Variants in ZHX1 observed in about 807,000 individuals in gnomAD.
The protein encoded by ZHX1 is zinc fingers and homeoboxes protein 1.
In ZHX1, 20 loss-of-function variants were observed where a neutral mutation model predicts 61.8. That is an observed-to-expected ratio of 0.32 (90% CI 0.23 to 0.47). ZHX1 has a LOEUF of 0.47. ZHX1 is among the 20% of genes least tolerant of loss of function. ZHX1 has a pLI of 1.00. For missense variants in ZHX1, 800 were observed against 1,034.8 expected (o/e 0.77, Z 3.11); for synonymous variants, 318 against 352.6 (o/e 0.90, Z 1.10).
At chr8:123,272,545 T>C (rs1586836114) in intron 1 of ZHX1, among the ~76,000 whole-genome samples, 1 of 152,362 alleles carries the variant, frequency 6.6e-6, no homozygotes, top group East Asian at 1.9e-4. Context: ...ATGGGTATAC[T>C]AGGGCCAATT....
chr8:123,256,289 A>G (rs532343173), intron 2 of ZHX1, 118 bp from the exon 3 acceptor site: 23 of 173,982 alleles, frequency 1.3e-4, no homozygotes, highest in Non-Finnish European at 2.4e-4. Context: ...AAGATCTAGA[A>G]TAAGATAAGA....
intron 3 of ZHX1, chr8:123,252,730 A>G (rs1563807947): frequency 6.6e-6 from 1 of 152,132 alleles, no homozygotes; most frequent in Non-Finnish European, 1.5e-5. Context: ...TACTAAAAAG[A>G]TACTGAGTAA....
At chr8:123,264,509 C>T (rs1174362917) in intron 2 of ZHX1, among the ~76,000 whole-genome samples, 2 of 152,128 alleles carry the variant, frequency 1.3e-5, no homozygotes, top group African/African-American at 2.4e-5. Flanking sequence ...AATATGTTGG[C>T]CTGGTTAGCC....
intron 1 of ZHX1, 57 bp downstream of exon 1, chr8:123,274,160 C>G (rs1205374745): frequency 6.5e-6 from 1 of 152,688 alleles, no homozygotes; most frequent in African/African-American, 2.4e-5. Context: ...CTCCAGTTCC[C>G]ACCCGCAGCC....
At position 123,249,210 on chromosome 8, in the gene ZHX1, A is replaced by G. The variant is rs575513910; in HGVS notation, c.*1114T>C. On this transcript the variant is annotated 3_prime_UTR_variant, in exon 4 of 4. Coordinates refer to ENST00000395571, the MANE Select transcript of ZHX1 (RefSeq NM_007222.5). ...TTTGAAAAATGGTCCTATGGTCACA[A>G]AAGAAAGGGTTCTTCCCAATATGAA... 6.6e-6 allele frequency: 1 copy of G among 152,596 alleles called. No individual in the cohort carries two copies. Among genetic ancestry groups the G allele is most frequent in the South Asian group, 2.1e-4 (1 of 4,830 alleles). The allele number at this position is 152,596 out of a possible 1,614,324, so 9.5% of individuals were successfully genotyped here.
chr8:123,261,017 G>C (rs1022198966), intron 2 of ZHX1, among the ~76,000 whole-genome samples: 1 of 152,042 alleles, frequency 6.6e-6, no homozygotes, highest in Non-Finnish European at 1.5e-5. Flanking sequence ...GAGAGACTCT[G>C]TCTCAAAAAA....
At chr8:123,265,145 C>A (rs558318701) in intron 2 of ZHX1, among the ~76,000 whole-genome samples, 6 of 148,918 alleles carry the variant, frequency 4.0e-5, no homozygotes, top group African/African-American at 1.5e-4. Flanking sequence ...GCCGAGATTG[C>A]GCCATTGCAC....
In ZHX1 at chr8:123,248,978, A is replaced by C. The variant is rs538365487; in HGVS notation, c.*1346T>G. The C allele has an allele frequency of 1.3e-5, 2 of 152,614 alleles. No homozygotes were observed. The highest frequency in any genetic ancestry group is 2.9e-5 in the Non-Finnish European group (2 of 68,020). 9.5% of individuals were successfully genotyped at this position (152,614 alleles called of 1,614,324 possible). On this transcript the variant is annotated 3_prime_UTR_variant, in exon 4 of 4. Coordinates refer to ENST00000395571, the MANE Select transcript of ZHX1 (RefSeq NM_007222.5). ...ATAAAGCTATAGTTAAAAAATAAAA[A>C]GTTTATAAAAATGAAAGCAGCATGC...
chr8:123,267,840 A>G (rs972587400), intron 1 of ZHX1, among the ~76,000 whole-genome samples: 1 of 152,086 alleles, frequency 6.6e-6, no homozygotes. Flanking sequence ...CGTCTCTACT[A>G]AAAATACAAA....
chr8:123,257,662 G>A (rs1826112738), intron 2 of ZHX1, among the ~76,000 whole-genome samples: 1 of 152,174 alleles, frequency 6.6e-6, no homozygotes. Context: ...CACAGGGAGT[G>A]CGCAACCTAG....
chr8:123,248,478 A>G lies in ZHX1; in HGVS notation c.*1846T>C, dbSNP rs532315427. On this transcript the variant is annotated 3_prime_UTR_variant, in exon 4 of 4. Coordinates refer to ENST00000395571, the MANE Select transcript of ZHX1 (RefSeq NM_007222.5). Reference sequence around the variant, plus strand: ...CTGTAAACTACTAATCACTACTTTTATTTTGTATTCAAGGTCACAATCAAC... The same window carrying G: ...CTGTAAACTACTAATCACTACTTTTGTTTTGTATTCAAGGTCACAATCAAC... 7.9e-5 allele frequency: 12 copies of G among 152,238 alleles called. No individual in the cohort carries two copies. In the East Asian group the frequency reaches 2.1e-3, roughly 27 times the overall value. The allele number at this position is 152,238 out of a possible 1,614,324, so 9.4% of individuals were successfully genotyped here. A position where few individuals can be genotyped will look rare whatever the true frequency, so the allele number is the denominator to read the frequency against.
intron 1 of ZHX1, 142 bp from the exon 2 acceptor site, chr8:123,267,528 C>T (rs1461589044): frequency 5.3e-6 from 2 of 379,770 alleles, no homozygotes; most frequent in South Asian, 8.5e-5. Flanking sequence ...TTTAAAAGAA[C>T]CATTTAAATA....
At chr8:123,261,874 GT>G (rs1400916091) in intron 2 of ZHX1, among the ~76,000 whole-genome samples, 1 of 152,084 alleles carries the variant, frequency 6.6e-6, no homozygotes, top group African/African-American at 2.4e-5. Flanking sequence ...AAAAGTAAAA[GT>G]AAAAATACAG....
chr8:123,267,420 T>C (rs181694064), intron 1 of ZHX1, 34 bp from the exon 2 acceptor site: 358 of 610,000 alleles, frequency 5.9e-4, no homozygotes, highest in Non-Finnish European at 5.9e-4. Context: ...ATTCTAGATA[T>C]AATTTAGCCT....
At chr8:123,270,396 G>A (rs1234233408) in intron 1 of ZHX1, among the ~76,000 whole-genome samples, 1 of 152,078 alleles carries the variant, frequency 6.6e-6, no homozygotes, top group African/African-American at 2.4e-5. Context: ...ATATGGCTAT[G>A]ACTTCGATAT....
chr8:123,267,147 T>G (rs1651869937), intron 2 of ZHX1, 126 bp downstream of exon 2: 5 of 722,836 alleles, frequency 6.9e-6, no homozygotes, highest in Middle Eastern at 2.6e-4. Flanking sequence ...AAAAAAGTGT[T>G]AAGCATATGT....
intron 1 of ZHX1, among the ~76,000 whole-genome samples, chr8:123,269,516 A>C (rs1466784865): frequency 6.6e-6 from 1 of 152,226 alleles, no homozygotes; most frequent in Non-Finnish European, 1.5e-5. Flanking sequence ...TTATATAATA[A>C]AACAGAACAA....
At chr8:123,268,880 T>TTTG (rs1826551808) in intron 1 of ZHX1, among the ~76,000 whole-genome samples, 1 of 152,232 alleles carries the variant, frequency 6.6e-6, no homozygotes. Flanking sequence ...ATTTTTTTAT[T>TTTG]CCTGCTACTA....
intron 2 of ZHX1, among the ~76,000 whole-genome samples, chr8:123,266,058 A>G (rs1203894666): frequency 6.6e-6 from 1 of 152,208 alleles, no homozygotes; most frequent in Non-Finnish European, 1.5e-5. Flanking sequence ...TCCCTAGGAC[A>G]CTAACATCCT....
Sources: gnomAD v4.1 joint callset for allele counts (sites outside exome capture counted in the v4.1 genomes callset) on GRCh38, gnomAD v4.1.1 for gene constraint, MANE v1.5 for transcripts, NCBI Gene and HGNC (gene_info 2026-07-23, HGNC 2026-07-21) for gene names.